FRMD4B: variants seen among roughly 807,000 people sequenced by gnomAD.
FRMD4B encodes FERM domain containing 4B, also known as FERM domain-containing protein 4B.
In FRMD4B, 74 loss-of-function variants were observed where a neutral mutation model predicts 141.5. The observed-to-expected ratio is 0.52, with a 90% CI of 0.43 to 0.63. The LOEUF is 0.63. Among genes scored for constraint, FRMD4B ranks in the 30% least tolerant of loss-of-function variants. The pLI is 0.00. For synonymous variants in FRMD4B, 506 were observed against 467.9 expected (o/e 1.08, Z -1.05); for missense variants, 1,366 against 1,253.4 (o/e 1.09, Z -1.36).
intron 1 of FRMD4B, among the ~76,000 whole-genome samples, chr3:69,378,738 G>T (rs1704038317): frequency 6.6e-6 from 1 of 151,820 alleles, no homozygotes; most frequent in Non-Finnish European, 1.5e-5. Context: ...TAAAGTACAG[G>T]GTCATTCAAG....
intron 1 of FRMD4B, among the ~76,000 whole-genome samples, chr3:69,357,948 T>C (rs1402091989): frequency 6.6e-6 from 1 of 152,334 alleles, no homozygotes; most frequent in Admixed American, 6.5e-5. Flanking sequence ...ATCAAATACA[T>C]GCAGAGGCCT....
intron 1 of FRMD4B, among the ~76,000 whole-genome samples, chr3:69,435,069 C>T (rs998467579): frequency 6.6e-6 from 1 of 152,074 alleles, no homozygotes; most frequent in Non-Finnish European, 1.5e-5. Flanking sequence ...TAGGGCCCAT[C>T]CTCAAGGCCT....
intron 1 of FRMD4B, among the ~76,000 whole-genome samples, chr3:69,359,447 T>G (rs1343509559): frequency 2.6e-5 from 4 of 152,218 alleles, no homozygotes; most frequent in Admixed American, 6.5e-5. Flanking sequence ...AATTAATTCA[T>G]AATTTAGTAC....
intron 1 of FRMD4B, among the ~76,000 whole-genome samples, chr3:69,321,224 C>G (rs76928727): frequency 0.041 from 6,273 of 152,140 alleles, 445 homozygotes; most frequent in African/African-American, 0.14. Context: ...CTCATAACAA[C>G]GGGGTCGTCT....
intron 8 of FRMD4B, among the ~76,000 whole-genome samples, chr3:69,223,357 T>TAC (rs2093216545): frequency 6.6e-6 from 1 of 151,910 alleles, no homozygotes; most frequent in Non-Finnish European, 1.5e-5. Context: ...CTACTGAAGA[T>TAC]ACAAAACATT....
chr3:69,221,971 G>A (rs774242634), intron 8 of FRMD4B, 48 bp from the exon 9 acceptor site: 2 of 967,066 alleles, frequency 2.1e-6, no homozygotes, highest in Non-Finnish European at 3.3e-6. Flanking sequence ...ATTATCTGAG[G>A]TACAGGCACA....
intron 3 of FRMD4B, among the ~76,000 whole-genome samples, chr3:69,309,062 C>A (rs1701486013): frequency 6.6e-6 from 1 of 152,192 alleles, no homozygotes; most frequent in African/African-American, 2.4e-5. Flanking sequence ...GTCTGTGTTA[C>A]TCCTAGCTGA....
At chr3:69,425,757 T>G (rs1219492443) in intron 2 of FRMD4B, among the ~76,000 whole-genome samples, 1 of 152,174 alleles carries the variant, frequency 6.6e-6, no homozygotes, top group Non-Finnish European at 1.5e-5. Flanking sequence ...AAGATAGGTA[T>G]TATTTTTATC....
At chr3:69,221,206 G>A (rs116071634) in intron 9 of FRMD4B, among the ~76,000 whole-genome samples, 6 of 152,014 alleles carry the variant, frequency 3.9e-5, no homozygotes, top group African/African-American at 4.8e-5. Context: ...CAAATGATCC[G>A]CCCTCCTCAG....
At chr3:69,393,797 G>T (rs1206617465) in intron 2 of FRMD4B, among the ~76,000 whole-genome samples, 2 of 152,060 alleles carry the variant, frequency 1.3e-5, no homozygotes, top group African/African-American at 4.8e-5. Context: ...TATATCATCA[G>T]TTGATTCTCA....
At position 69,274,471 on chromosome 3, in the gene FRMD4B, A is replaced by C. The variant is rs762568671; in HGVS notation, c.501+13281T>G. On this transcript the variant is annotated intron_variant, in intron 5 of 22. Coordinates refer to ENST00000398540, the MANE Select transcript of FRMD4B (RefSeq NM_015123.3). ...CTAAGTCTTGTTGATTTCACATTCT[A>C]AAATGTTTCCATTTTGCCATCTATT... Among the ~76,000 whole-genome samples, 3 of 152,088 alleles carry C rather than the reference A, an allele frequency of 2.0e-5. No individual in the cohort carries two copies. The East Asian group carries it at 5.8e-4, about 29-fold the overall frequency.
intron 1 of FRMD4B, among the ~76,000 whole-genome samples, chr3:69,324,814 C>A (rs1367912984): frequency 6.6e-6 from 1 of 151,904 alleles, no homozygotes; most frequent in Non-Finnish European, 1.5e-5. Flanking sequence ...TGGAGAAGGC[C>A]GGATGTGGTG....
At chr3:69,316,385 C>T (rs1278023145) in intron 1 of FRMD4B, among the ~76,000 whole-genome samples, 5 of 151,908 alleles carry the variant, frequency 3.3e-5, no homozygotes, top group Non-Finnish European at 7.4e-5. Flanking sequence ...AAGTTTACAA[C>T]ATGGCAACAT....
At chr3:69,177,797 C>T (rs760545565) in intron 21 of FRMD4B, among the ~76,000 whole-genome samples, 46 of 152,244 alleles carry the variant, frequency 3.0e-4, no homozygotes, top group Non-Finnish European at 5.7e-4. Flanking sequence ...TGTCAGAGGC[C>T]TTGGAGGAAA....
intron 1 of FRMD4B, among the ~76,000 whole-genome samples, chr3:69,342,503 G>GA (rs1702772505): frequency 6.6e-6 from 1 of 151,978 alleles, no homozygotes; most frequent in Non-Finnish European, 1.5e-5. Context: ...ATCTTCTGAT[G>GA]GTGTCTAAAT....
At chr3:69,272,701 G>A (rs1018575841) in intron 5 of FRMD4B, among the ~76,000 whole-genome samples, 1 of 152,208 alleles carries the variant, frequency 6.6e-6, no homozygotes, top group African/African-American at 2.4e-5. Context: ...ATTGTTGGTT[G>A]CTGAACTACA....
At chr3:69,314,202 A>AT (rs150414994) in intron 1 of FRMD4B, among the ~76,000 whole-genome samples, 27,701 of 98,226 alleles carry the variant, frequency 0.28, 4,779 homozygotes, top group African/African-American at 0.47. Flanking sequence ...AAACTACTAT[A>AT]TTTTTCCTGG....
chr3:69,485,069 C>T (rs1706191770), intron 1 of FRMD4B, among the ~76,000 whole-genome samples: 1 of 152,162 alleles, frequency 6.6e-6, no homozygotes, highest in African/African-American at 2.4e-5. Context: ...ACCTGCAGGC[C>T]AGCTCCCAGC....
intron 2 of FRMD4B, among the ~76,000 whole-genome samples, chr3:69,404,160 G>A (rs1704614285): frequency 6.6e-6 from 1 of 152,150 alleles, no homozygotes; most frequent in Non-Finnish European, 1.5e-5. Context: ...GCCTCCCAAA[G>A]CACTGAGATT....
Sources: gnomAD v4.1 joint callset for allele counts (sites outside exome capture counted in the v4.1 genomes callset) on GRCh38, gnomAD v4.1.1 for gene constraint, MANE v1.5 for transcripts, NCBI Gene and HGNC (gene_info 2026-07-23, HGNC 2026-07-21) for gene names.